UNC13C: variants seen among roughly 807,000 people sequenced by gnomAD.
The protein encoded by UNC13C is protein unc-13 homolog C.
Under a neutral mutation model 245.4 loss-of-function variants are expected in UNC13C, and 174 were observed. The observed-to-expected ratio is 0.71, with a 90% CI of 0.63 to 0.80. UNC13C has a LOEUF of 0.80. Ranked by LOEUF, UNC13C falls within the 30% of genes least tolerant of loss-of-function variation. The pLI, the probability that UNC13C is intolerant of heterozygous loss-of-function variation, is 0.00. For missense variants in UNC13C, 2,829 were observed against 2,602.9 expected, an observed-to-expected ratio of 1.09 and a Z score of -1.89; for synonymous variants, 992 against 895.1, an observed-to-expected ratio of 1.11 and a Z score of -1.93.
chr15:54,561,091 G>A (rs1400595618), intron 29 of UNC13C, among the ~76,000 whole-genome samples: 2 of 151,868 alleles, frequency 1.3e-5, no homozygotes, highest in East Asian at 3.9e-4. Context: ...TTTTCCCCAA[G>A]CAATAGTTCA....
chr15:54,585,602 C>G (rs1898449850), intron 30 of UNC13C, among the ~76,000 whole-genome samples: 1 of 152,086 alleles, frequency 6.6e-6, no homozygotes, highest in Non-Finnish European at 1.5e-5. Flanking sequence ...CTCACTGGGA[C>G]TGGGAAGTGT....
rs1417013488 is a variant in UNC13C, at chr15:54,332,054, C to T, written c.4437C>T (p.Phe1479=). 3 of 1,579,728 alleles carry T rather than the reference C, an allele frequency of 1.9e-6. No homozygotes were observed. The African/African-American group carries it at 4.0e-5, about 21-fold the overall frequency. The part of the protein sequence containing the change: ...FAATNFGREK[F]IKLLDQLHNS... Reference sequence around the variant, plus strand: ...TTTGCTTTGTACAGAGGGAAAAATTCATAAAACTACTGGACCAGTTACATA... The same window carrying T: ...TTTGCTTTGTACAGAGGGAAAAATTTATAAAACTACTGGACCAGTTACATA... The change falls in exon 15 of 33, where the codon TTC becomes TTT. Residue 1479 remains phenylalanine, a synonymous_variant. Coordinates refer to ENST00000260323, the MANE Select transcript of UNC13C (RefSeq NM_001080534.3).
chr15:53,946,681 T>G, the UNC13C span, among the ~76,000 whole-genome samples: 6 of 149,834 alleles, frequency 4.0e-5, no homozygotes, highest in African/African-American at 1.2e-4. Flanking sequence ...AGGTTTTTTT[T>G]TTTTTTTTTT....
intron 19 of UNC13C, among the ~76,000 whole-genome samples, chr15:54,494,070 G>A (rs1280858203): frequency 3.3e-5 from 5 of 151,930 alleles, no homozygotes; most frequent in Admixed American, 6.6e-5. Flanking sequence ...TAAATAACTA[G>A]GCCAGAAATG....
chr15:53,859,734 C>G, the UNC13C span, among the ~76,000 whole-genome samples: 3 of 152,268 alleles, frequency 2.0e-5, no homozygotes, highest in African/African-American at 4.8e-5. Context: ...GAAGACAGTT[C>G]TAGGCTGTTT....
chr15:53,883,311 A>T, the UNC13C span, among the ~76,000 whole-genome samples: 1 of 152,198 alleles, frequency 6.6e-6, no homozygotes, highest in Non-Finnish European at 1.5e-5. Context: ...GTTTATTTTC[A>T]CTTCTGACAT....
At position 54,549,638 on chromosome 15, in the gene UNC13C, C is replaced by G; in HGVS notation, c.5824C>G (p.Pro1942Ala). The G allele has an allele frequency of 6.2e-7, 1 of 1,603,384 alleles. No homozygotes were observed. The highest frequency in any genetic ancestry group is 8.5e-7 in the Non-Finnish European group (1 of 1,174,852). The change falls in exon 28 of 33, where the codon CCC becomes GCC. Residue 1942 changes from proline to alanine, a missense_variant. Pro to Ala is a conservative substitution (Grantham distance 27). Coordinates refer to ENST00000260323, the MANE Select transcript of UNC13C (RefSeq NM_001080534.3). ...VLPPLTDQTG[P>A]QMIFIAAKDL... ...CTCACTTTTTCTTTGTTTCTAGGGA[C>G]CCCAGATGATTTTCATTGCAGCTAA...
chr15:54,079,248 A>G (rs1461689684), intron 2 of UNC13C, among the ~76,000 whole-genome samples: 1 of 151,710 alleles, frequency 6.6e-6, no homozygotes, highest in African/African-American at 2.4e-5. Context: ...GTAAGGTCAT[A>G]CCTCTGGCTT....
At chr15:54,122,164 G>A (rs1475468078) in intron 2 of UNC13C, among the ~76,000 whole-genome samples, 2 of 151,616 alleles carry the variant, frequency 1.3e-5, no homozygotes, top group Non-Finnish European at 2.9e-5. Context: ...GGGCTTTGGG[G>A]CACTTTGTTA....
chr15:54,627,066 T>TTTGTAAGAC lies in UNC13C; in HGVS notation c.6601_6609dup (p.Val2201_Leu2203dup). The stretch of plus-strand genomic sequence containing the variant: ...GACCAGTGATGATGTGGCTAAAGAA[T>TTTGTAAGAC]TTGTAAGACTTAAATCTGAAACAAG... On this transcript the variant is annotated inframe_insertion, in exon 33 of 33. Transcript: ENST00000260323. 1 of 1,612,934 alleles carries TTTGTAAGAC rather than the reference T, an allele frequency of 6.2e-7. No individual in the cohort carries two copies. The highest frequency in any genetic ancestry group is 1.3e-5 in the African/African-American group (1 of 74,988).
chr15:54,047,190 A>T (rs1028317573), intron 2 of UNC13C, among the ~76,000 whole-genome samples: 2 of 151,884 alleles, frequency 1.3e-5, no homozygotes, highest in African/African-American at 4.8e-5. Flanking sequence ...TGACCATCTC[A>T]AGTCAGGAAA....
rs75599556 is a variant in UNC13C, at chr15:54,420,545, G to A, written c.4933+5478G>A. On this transcript the variant is annotated intron_variant, in intron 19 of 32. Coordinates refer to ENST00000260323, the MANE Select transcript of UNC13C (RefSeq NM_001080534.3). Reference sequence around the variant, plus strand: ...ATGAACTCTAAGAGTCAAGGATACAGGTGTCATCTTGAAGGCTGGCTAGCA... The same window carrying A: ...ATGAACTCTAAGAGTCAAGGATACAAGTGTCATCTTGAAGGCTGGCTAGCA... 3.9e-3 allele frequency among the ~76,000 whole-genome samples: 597 copies of A among 151,848 alleles called. 4 individuals are homozygous for A. The highest frequency in any genetic ancestry group is 0.014 in the African/African-American group (570 of 41,442).
intron 13 of UNC13C, among the ~76,000 whole-genome samples, chr15:54,304,132 A>G (rs966104575): frequency 9.9e-5 from 15 of 152,076 alleles, no homozygotes; most frequent in African/African-American, 3.4e-4. Flanking sequence ...GCTCTGCAGT[A>G]CTAGTGCAAA....
the UNC13C span, among the ~76,000 whole-genome samples, chr15:53,901,775 A>G: frequency 5.3e-5 from 8 of 152,164 alleles, no homozygotes; most frequent in Non-Finnish European, 1.0e-4. Context: ...CAGAAATTTG[A>G]GAGTGTATGT....
At chr15:54,115,189 G>T (rs890719459) in intron 2 of UNC13C, among the ~76,000 whole-genome samples, 2 of 151,888 alleles carry the variant, frequency 1.3e-5, no homozygotes, top group African/African-American at 4.8e-5. Context: ...AATATTTTTA[G>T]CTCACTGTTA....
chr15:53,947,665 G>A, the UNC13C span: 10 of 152,092 alleles, frequency 6.6e-5, no homozygotes, highest in African/African-American at 2.4e-4. Context: ...GTGTCCGTTC[G>A]ATCTTGTCAC....
At chr15:54,336,033 A>G (rs1022557134) in intron 16 of UNC13C, among the ~76,000 whole-genome samples, 3 of 143,524 alleles carry the variant, frequency 2.1e-5, no homozygotes, top group African/African-American at 7.6e-5. Flanking sequence ...CTAAAAATTA[A>G]TAATATTGAG....
chr15:54,227,620 A>C lies in UNC13C; in HGVS notation c.3072-7410A>C, dbSNP rs141225431. Among the ~76,000 whole-genome samples, 1,140 of 152,306 alleles carry C rather than the reference A, an allele frequency of 7.5e-3. 19 individuals are homozygous for C. Among genetic ancestry groups the C allele is most frequent in the African/African-American group, 0.027 (1,110 of 41,574 alleles). Reference sequence around the variant, plus strand: ...ACCAGCCAAGTCATGACAGCATTCCAGGCTTGGCTTCAGCCTTGTTCCAAA... The same window carrying C: ...ACCAGCCAAGTCATGACAGCATTCCCGGCTTGGCTTCAGCCTTGTTCCAAA... On this transcript the variant is annotated intron_variant, in intron 4 of 32. Transcript: ENST00000260323.
intron 7 of UNC13C, among the ~76,000 whole-genome samples, chr15:54,246,170 T>C (rs2035985372): frequency 6.6e-6 from 1 of 151,572 alleles, no homozygotes; most frequent in Non-Finnish European, 1.5e-5. Flanking sequence ...TCCTAATTGT[T>C]CCAAAAGTGA....
Sources: allele counts gnomAD v4.1 joint callset (sites outside exome capture counted in the v4.1 genomes callset), GRCh38; gene constraint gnomAD v4.1.1; transcripts MANE v1.5; gene names NCBI Gene and HGNC (gene_info 2026-07-23, HGNC 2026-07-21).